EML6: variants seen among roughly 807,000 people sequenced by gnomAD.
EML6 encodes EMAP like 6, also known as echinoderm microtubule-associated protein-like 6.
Under a neutral mutation model 240.1 loss-of-function variants are expected in EML6, and 154 were observed. The observed-to-expected ratio is 0.64, with a 90% CI of 0.56 to 0.73. The LOEUF is 0.73. Ranked by LOEUF, EML6 falls within the 30% of genes least tolerant of loss-of-function variation. The pLI, the probability that EML6 is intolerant of heterozygous loss-of-function variation, is 0.00. For synonymous variants in EML6, 1,148 were observed against 899.0 expected, an observed-to-expected ratio of 1.28 and a Z score of -4.95; for missense variants, 2,964 against 2,474.6, an observed-to-expected ratio of 1.20 and a Z score of -4.20.
chr2:54,732,773 A>T (rs1021992422), intron 2 of EML6, among the ~76,000 whole-genome samples: 1 of 152,368 alleles, frequency 6.6e-6, no homozygotes, highest in South Asian at 2.1e-4. Flanking sequence ...AGATTTTTAT[A>T]TATTTATAAA....
At position 54,958,017 on chromosome 2, in the gene EML6, T is replaced by A. The variant is rs1676313808; in HGVS notation, c.4695+19T>A. The A allele has an allele frequency of 1.3e-6, 2 of 1,538,746 alleles. No homozygotes were observed. Among genetic ancestry groups the A allele is most frequent in the Non-Finnish European group, 1.8e-6 (2 of 1,138,134 alleles). The stretch of plus-strand genomic sequence containing the variant: ...CGGTGCTGTGAGTTCTAGCAGATAC[T>A]CCCTGAGAAGGGGACCCAGACCCCC... On this transcript the variant is annotated intron_variant, in intron 33 of 41. Coordinates refer to ENST00000356458, the MANE Select transcript of EML6 (RefSeq NM_001039753.4).
intron 3 of EML6, among the ~76,000 whole-genome samples, chr2:54,815,173 A>G (rs1023503053): frequency 1.8e-4 from 28 of 152,092 alleles, no homozygotes; most frequent in African/African-American, 6.8e-4. Flanking sequence ...ATTTTTGTCC[A>G]TGTTAATTTA....
At chr2:54,836,804 A>G (rs1479143305) in intron 7 of EML6, among the ~76,000 whole-genome samples, 1 of 152,148 alleles carries the variant, frequency 6.6e-6, no homozygotes, top group African/African-American at 2.4e-5. Flanking sequence ...TCTGTTTTGC[A>G]CTGGGCTCCA....
intron 2 of EML6, among the ~76,000 whole-genome samples, chr2:54,785,800 G>C (rs1382004013): frequency 6.6e-6 from 1 of 151,604 alleles, no homozygotes; most frequent in South Asian, 2.1e-4. Flanking sequence ...TAGGCTACAC[G>C]GTTCATTTTT....
At chr2:54,958,494 TA>T (rs968083757) in intron 33 of EML6, among the ~76,000 whole-genome samples, 5 of 149,974 alleles carry the variant, frequency 3.3e-5, no homozygotes, top group Non-Finnish European at 5.9e-5. Flanking sequence ...GCCTGGCCAA[TA>T]TTTTTTTTTT....
intron 16 of EML6, among the ~76,000 whole-genome samples, chr2:54,875,753 T>C (rs1671472735): frequency 6.6e-6 from 1 of 152,238 alleles, no homozygotes; most frequent in Non-Finnish European, 1.5e-5. Flanking sequence ...TATTACTGTC[T>C]AGGGGAAGGG....
Position 54,859,537 on chromosome 2 carries a change from C to G in EML6, c.1661C>G (p.Ala554Gly), listed in dbSNP as rs1370683023. 1.9e-6 allele frequency: 3 copies of G among 1,547,858 alleles called. No individual in the cohort carries two copies. The highest frequency in any genetic ancestry group is 2.6e-6 in the Non-Finnish European group (3 of 1,146,024). ...LFKFPCLKRG[A>G]KFRKYVGHSA... ...CTCTCAAAAAATATTCTTTCAGGAG[C>G]CAAATTTAGAAAGTATGTGGGCCAT... The change falls in exon 12 of 42, where the codon GCC becomes GGC. Residue 554 changes from alanine (A) to glycine (G), a missense_variant. Coordinates refer to ENST00000356458, the MANE Select transcript of EML6 (RefSeq NM_001039753.4).
intron 28 of EML6, among the ~76,000 whole-genome samples, chr2:54,948,655 G>T (rs144611290): frequency 6.6e-6 from 1 of 152,144 alleles, no homozygotes. Context: ...CCCTGACCAC[G>T]GTGCCTCAAG....
chr2:54,884,834 A>G (rs986345774), intron 17 of EML6, among the ~76,000 whole-genome samples: 1 of 152,120 alleles, frequency 6.6e-6, no homozygotes, highest in African/African-American at 2.4e-5. Context: ...AGTCTCTCTA[A>G]AGTATATATT....
At chr2:54,839,476 A>G (rs1274836386) in intron 7 of EML6, among the ~76,000 whole-genome samples, 1 of 152,224 alleles carries the variant, frequency 6.6e-6, no homozygotes, top group Non-Finnish European at 1.5e-5. Context: ...ACTTAGGGAG[A>G]GACGCAGTTG....
chr2:54,899,992 C>G (rs1672971186), intron 22 of EML6, among the ~76,000 whole-genome samples: 3 of 152,198 alleles, frequency 2.0e-5, no homozygotes, highest in Admixed American at 2.0e-4. Context: ...CCATTTTTCA[C>G]TTCATTTTCC....
chr2:54,916,117 A>G (rs1412161633), intron 25 of EML6, among the ~76,000 whole-genome samples: 3 of 152,254 alleles, frequency 2.0e-5, no homozygotes, highest in Non-Finnish European at 2.9e-5. Context: ...TAGTCTCTCT[A>G]GAGCATACAG....
chr2:54,910,932 C>G, intron 24 of EML6, 22 bp from the exon 25 acceptor site: 2 of 1,311,476 alleles, frequency 1.5e-6, no homozygotes, highest in Non-Finnish European at 2.1e-6. Context: ...AATTATCTCT[C>G]TACTTCGTTC....
chr2:54,820,226 G>A (rs936067853), intron 4 of EML6, among the ~76,000 whole-genome samples, 168 bp from the exon 5 acceptor site: 9 of 152,098 alleles, frequency 5.9e-5, no homozygotes, highest in Non-Finnish European at 8.8e-5. Flanking sequence ...AGGTGATAAC[G>A]TGTGTGTTAG....
intron 26 of EML6, among the ~76,000 whole-genome samples, chr2:54,921,201 A>G (rs1674231773): frequency 1.3e-5 from 2 of 152,136 alleles, no homozygotes; most frequent in African/African-American, 4.8e-5. Flanking sequence ...GATCTTATAT[A>G]TAGAAAACCC....
At chr2:54,742,186 A>C (rs1168312553) in intron 2 of EML6, among the ~76,000 whole-genome samples, 1 of 152,170 alleles carries the variant, frequency 6.6e-6, no homozygotes, top group Non-Finnish European at 1.5e-5. Flanking sequence ...GCCTTGCTTA[A>C]AAACTCCGGC....
chr2:54,728,631 G>GTTGT (rs1379620336), intron 2 of EML6, among the ~76,000 whole-genome samples: 1 of 152,200 alleles, frequency 6.6e-6, no homozygotes, highest in Non-Finnish European at 1.5e-5. Flanking sequence ...AAACTGCAGA[G>GTTGT]TTGTAACTAT....
chr2:54,764,083 G>T (rs567239836), intron 2 of EML6, among the ~76,000 whole-genome samples: 1 of 152,270 alleles, frequency 6.6e-6, no homozygotes, highest in Non-Finnish European at 1.5e-5. Flanking sequence ...TGTTTAGGTT[G>T]GCAAAAGTGG....
At chr2:54,882,829 G>A (rs1573062064) in intron 17 of EML6, 1 of 66,130 alleles carries the variant, frequency 1.5e-5, no homozygotes, top group Non-Finnish European at 3.2e-5. Flanking sequence ...CTGCACTCCA[G>A]CCTAGGCGGC....
Sources: gnomAD v4.1 joint callset for allele counts (sites outside exome capture counted in the v4.1 genomes callset) on GRCh38, gnomAD v4.1.1 for gene constraint, MANE v1.5 for transcripts, NCBI Gene and HGNC (gene_info 2026-07-23, HGNC 2026-07-21) for gene names.